SAMSN1: variants seen among roughly 807,000 people sequenced by gnomAD.
SAMSN1 encodes the protein SAM domain, SH3 domain and nuclear localization signals 1.
A neutral mutation model predicts 42.0 loss-of-function variants in SAMSN1; 31 were observed. The ratio of observed to expected loss-of-function variants is 0.74; its 90% CI spans 0.55 to 1.00. SAMSN1 has a LOEUF of 1.00. SAMSN1 is among the 50% of genes least tolerant of loss of function. The pLI, the probability that SAMSN1 is intolerant of heterozygous loss-of-function variation, is 0.00. For synonymous variants in SAMSN1, 178 were observed against 151.9 expected, an observed-to-expected ratio of 1.17 and a Z score of -1.26; for missense variants, 464 against 439.4, an observed-to-expected ratio of 1.06 and a Z score of -0.50.
chr21:14,510,150 A>AAG (rs1987619414), intron 5 of SAMSN1, among the ~76,000 whole-genome samples, 160 bp downstream of exon 5: 1 of 151,962 alleles, frequency 6.6e-6, no homozygotes, highest in African/African-American at 2.4e-5. Context: ...AAAAGAAAAA[A>AAG]AAAAAAGAAA....
At chr21:14,577,284 A>ATATTTT (rs1460040142) in intron 2 of SAMSN1, among the ~76,000 whole-genome samples, 9 of 53,858 alleles carry the variant, frequency 1.7e-4, no homozygotes, top group African/African-American at 5.9e-4. Flanking sequence ...ATATATATAT[A>ATATTTT]TTTTTTTTTT....
chr21:14,569,390 CTGCTGTTTTGGGTTATTTCCCCATTT>C (rs953216945), intron 2 of SAMSN1, among the ~76,000 whole-genome samples: 1 of 152,122 alleles, frequency 6.6e-6, no homozygotes, highest in African/African-American at 2.4e-5. Context: ...TTTTGGCCGA[CTGCTGTTTTGGGTTATTTCCCCATTT>C]TGCTGTTTTG....
intron 2 of SAMSN1, among the ~76,000 whole-genome samples, chr21:14,624,489 C>T (rs964677097): frequency 6.6e-6 from 1 of 152,180 alleles, no homozygotes; most frequent in African/African-American, 2.4e-5. Context: ...TCAGAGAATA[C>T]TATAAACACC....
At chr21:14,566,983 A>C (rs1284500433) in intron 2 of SAMSN1, among the ~76,000 whole-genome samples, 1 of 152,164 alleles carries the variant, frequency 6.6e-6, no homozygotes, top group African/African-American at 2.4e-5. Context: ...CTCTTACTAA[A>C]GTAAGTAGGC....
intron 2 of SAMSN1, among the ~76,000 whole-genome samples, chr21:14,619,246 C>A (rs1346946381): frequency 6.6e-6 from 1 of 152,198 alleles, no homozygotes; most frequent in African/African-American, 2.4e-5. Context: ...GTAAACCTCA[C>A]TTTCAAATTA....
intron 2 of SAMSN1, among the ~76,000 whole-genome samples, chr21:14,632,306 T>C (rs1415078305): frequency 1.3e-5 from 2 of 152,180 alleles, no homozygotes; most frequent in East Asian, 3.9e-4. Context: ...CTGGGCTCTC[T>C]ATAACCTGTA....
intron 2 of SAMSN1, among the ~76,000 whole-genome samples, chr21:14,641,801 G>A (rs1359637574): frequency 6.6e-6 from 1 of 152,090 alleles, no homozygotes; most frequent in Admixed American, 6.6e-5. Context: ...TTAAATTATA[G>A]TTGACCCTTT....
intron 5 of SAMSN1, among the ~76,000 whole-genome samples, chr21:14,605,520 T>A (rs955517839): frequency 1.3e-5 from 2 of 152,224 alleles, no homozygotes; most frequent in East Asian, 3.8e-4. Context: ...ATGGTGAATA[T>A]ATTTGTGAAT....
chr21:14,583,773 T>C (rs1335668815), upstream of SAMSN1: 3 of 717,788 alleles, frequency 4.2e-6, no homozygotes, highest in African/African-American at 3.5e-5. Context: ...CCTGATTTTA[T>C]GGCCTAGCAC....
At chr21:14,577,284 A>ATATATATAT (rs1460040142) in intron 2 of SAMSN1, among the ~76,000 whole-genome samples, 18 of 53,840 alleles carry the variant, frequency 3.3e-4, no homozygotes, top group Non-Finnish European at 5.4e-4. Context: ...ATATATATAT[A>ATATATATAT]TTTTTTTTTT....
In SAMSN1 at chr21:14,626,827, C is replaced by T. The variant is rs371214156; in HGVS notation, c.157-10811G>A. 9.3e-4 allele frequency among the ~76,000 whole-genome samples: 141 copies of T among 152,208 alleles called. 2 individuals are homozygous for T. In the South Asian group the frequency reaches 0.011, roughly 12 times the overall value. ...ATGCTGCTATAAAGACACATGCACA[C>T]GTATGTTTATTGTGGCACTATTCAC... On this transcript the variant is annotated intron_variant, in intron 2 of 15. Coordinates refer to the SAMSN1 transcript ENST00000647101.
At chr21:14,508,568 A>G (rs956323593) in intron 5 of SAMSN1, among the ~76,000 whole-genome samples, 3 of 152,180 alleles carry the variant, frequency 2.0e-5, no homozygotes, top group African/African-American at 4.8e-5. Context: ...AGATGTTAGC[A>G]TGGATGTACT....
At chr21:14,636,910 T>C (rs1332936708) in intron 2 of SAMSN1, among the ~76,000 whole-genome samples, 3 of 152,190 alleles carry the variant, frequency 2.0e-5, no homozygotes, top group East Asian at 3.8e-4. Context: ...TATCAAGTAT[T>C]GTTATACTTT....
At chr21:14,569,480 T>C in intron 2 of SAMSN1, among the ~76,000 whole-genome samples, 1 of 152,172 alleles carries the variant, frequency 6.6e-6, no homozygotes, top group African/African-American at 2.4e-5. Flanking sequence ...GCTGATGATA[T>C]TTTTAATCTT....
intron 2 of SAMSN1, among the ~76,000 whole-genome samples, chr21:14,636,760 C>T (rs1223271746): frequency 2.0e-5 from 3 of 147,744 alleles, no homozygotes; most frequent in Non-Finnish European, 4.5e-5. Flanking sequence ...GAGGCGGTGG[C>T]GGGGTTGGGG....
intron 2 of SAMSN1, among the ~76,000 whole-genome samples, chr21:14,581,340 A>ATTTTTTTTTTTTTTT (rs1404934178): frequency 1.3e-4 from 3 of 22,530 alleles, no homozygotes; most frequent in South Asian, 1.5e-3. Context: ...GGGAAATAAT[A>ATTTTTTTTTTTTTTT]TTTCTTTTTT....
intron 1 of SAMSN1, among the ~76,000 whole-genome samples, chr21:14,655,537 C>G (rs896144538): frequency 1.3e-4 from 20 of 151,590 alleles, no homozygotes; most frequent in African/African-American, 4.8e-4. Context: ...TATTTTGATA[C>G]AGATTAAAAT....
At chr21:14,640,107 T>C (rs1983557709) in intron 2 of SAMSN1, among the ~76,000 whole-genome samples, 2 of 152,200 alleles carry the variant, frequency 1.3e-5, no homozygotes, top group South Asian at 4.1e-4. Flanking sequence ...TGATCTTATG[T>C]TCATCTATGG....
chr21:14,590,329 G>A (rs368832622), intron 7 of SAMSN1, among the ~76,000 whole-genome samples: 9 of 151,874 alleles, frequency 5.9e-5, no homozygotes, highest in Non-Finnish European at 1.2e-4. Context: ...GGAGGCTGGC[G>A]TGCATTTGCA....
Sources: allele counts gnomAD v4.1 joint callset (sites outside exome capture counted in the v4.1 genomes callset), GRCh38; gene constraint gnomAD v4.1.1; transcripts MANE v1.5; gene names NCBI Gene and HGNC (gene_info 2026-07-23, HGNC 2026-07-21).